Variants in SAPCD1 observed in about 807,000 individuals in gnomAD.
The protein encoded by SAPCD1 is suppressor APC domain-containing protein 1.
In SAPCD1, 16 loss-of-function variants were observed where a neutral mutation model predicts 20.7. The observed-to-expected ratio is 0.77, with a 90% confidence interval of 0.52 to 1.17. SAPCD1 has a LOEUF of 1.17. SAPCD1 is among the 50% of genes most tolerant of loss of function. The pLI, the probability that SAPCD1 is intolerant of heterozygous loss-of-function variation, is 0.00. For missense variants in SAPCD1, 173 were observed against 209.9 expected (o/e 0.82, Z 1.09); for synonymous variants, 77 against 84.8 (o/e 0.91, Z 0.50).
At position 31,764,524 on chromosome 6, in the gene SAPCD1, G is replaced by A. The variant is rs28399994; in HGVS notation, c.530G>A (p.Arg177His). 1,889 of 1,611,440 alleles carry A rather than the reference G, an allele frequency of 1.2e-3. 8 individuals are homozygous for A. The highest frequency in any genetic ancestry group is 5.3e-3 in the South Asian group (481 of 90,982). Residue 177 changes from arginine (R) to histidine (H), a missense_variant, in exon 5 of 5, where the codon CGT (arginine) becomes CAT (histidine). By Grantham distance (29) the Arg-to-His change is conservative. Transcript: ENST00000415669. This position sits in a 1 kb window ranked among gnomAD's most constrained non-coding sequence, Gnocchi z 4.7. ...ACCAAGGGGCCAAGAGGCCCTACCC[G>A]TGTCTAAACCCTCCTCTCACTCCCC... is the stretch of plus-strand genomic sequence containing the variant.
chr6:31,764,785 C>T lies in SAPCD1; in HGVS notation c.*254C>T. The T allele has an allele frequency of 2.0e-6, 1 of 492,854 alleles. No individual in the cohort carries two copies. 30.5% of individuals were successfully genotyped at this position (492,854 alleles called of 1,614,324 possible). ...CTGGGAAGAAGCATGTTTATTGAAACTGTCCTTCAGCCTTAAATACAAAAA... is the reference window on the plus strand; with the variant it reads ...CTGGGAAGAAGCATGTTTATTGAAATTGTCCTTCAGCCTTAAATACAAAAA... On this transcript the variant is annotated 3_prime_UTR_variant, in exon 5 of 5. Coordinates refer to ENST00000415669, the Ensembl canonical transcript of SAPCD1. This position sits in a 1 kb window ranked among gnomAD's most constrained non-coding sequence, Gnocchi z 4.7.
chr6:31,763,036 C>G lies in SAPCD1; in HGVS notation c.-19C>G, dbSNP rs1164107342. ...GGCTGCACCAGTGGGAGTGGCTCCA[C>G]CCTTCCCACCTCAGAGCCATGGGGA... On this transcript the variant is annotated 5_prime_UTR_variant, in exon 1 of 5. Transcript: ENST00000415669. This position sits in a 1 kb window ranked among gnomAD's most constrained non-coding sequence, Gnocchi z 4.9. 1.3e-6 allele frequency: 2 copies of G among 1,489,310 alleles called. No individual in the cohort carries two copies. The highest frequency in any genetic ancestry group is 2.4e-5 in the South Asian group (2 of 84,632). The allele number at this position is 1,489,310 out of a possible 1,614,324, so 92.3% of individuals were successfully genotyped here.
chr6:31,763,440 G>A lies in SAPCD1; in HGVS notation c.140G>A (p.Arg47Lys). The change falls in exon 2 of 5, where the codon AGA becomes AAA. Residue 47 changes from arginine (R) to lysine (K), a missense_variant. Physicochemically the swap from Arg to Lys is conservative, Grantham distance 26 (BLOSUM62 2). Transcript: ENST00000415669. This position sits in a 1 kb window ranked among gnomAD's most constrained non-coding sequence, Gnocchi z 4.9. ...CTACGCAGGATGCAGGCTCTGGAGA[G>A]AGAACAGGATGCCCTGTGGCAGGGT... 1.9e-6 allele frequency: 3 copies of A among 1,613,080 alleles called. No homozygotes were observed. Among genetic ancestry groups the A allele is most frequent in the Non-Finnish European group, 1.7e-6 (2 of 1,180,020 alleles).
rs1161780029 is a variant in SAPCD1, at chr6:31,763,384, G to A, written c.115-31G>A. 4 of 1,612,784 alleles carry A rather than the reference G, an allele frequency of 2.5e-6. No homozygotes were observed. The Admixed American group carries it at 6.7e-5, about 27-fold the overall frequency. ...ATAACCCAGAGCCCTACTGTGGCGT[G>A]AGAGTCAGCCTCTGTGATTGCCTTT... is the stretch of plus-strand genomic sequence containing the variant. On this transcript the variant is annotated intron_variant, in intron 1 of 4. Coordinates refer to ENST00000415669, the Ensembl canonical transcript of SAPCD1. This position sits in a 1 kb window ranked among gnomAD's most constrained non-coding sequence, Gnocchi z 4.9.
Position 31,763,492 on chromosome 6 carries a change from C to T in SAPCD1, c.192C>T (p.Ala64=). The change falls in exon 2 of 5, where the codon GCC becomes GCT. Residue 64 remains alanine (A), a synonymous_variant. Coordinates refer to ENST00000415669, the Ensembl canonical transcript of SAPCD1. The surrounding 1 kb of genome is among the most constrained non-coding windows in gnomAD (Gnocchi z 4.9). ...TGGAGCTGCTACAGCATGGCCAGGC[C>T]TGGTTTGAAGACCATCTGAGGGAGG... The T allele has an allele frequency of 6.2e-7, 1 of 1,612,982 alleles. No homozygotes were observed. The highest frequency in any genetic ancestry group is 8.5e-7 in the Non-Finnish European group (1 of 1,179,996).
rs765038358 is a variant in SAPCD1 at position 31,764,243 on chromosome 6, AAC to A, written c.352-19_352-18del. 4 of 1,611,902 alleles carry A rather than the reference AAC, an allele frequency of 2.5e-6. 1 individual carries two copies. The highest frequency in any genetic ancestry group is 3.3e-5 in the Admixed American group (2 of 60,004). ...TGGGGTCAGTGCTGGCTTAACAGAA[AAC>A]ACAGCGAATTTCCCCTCCAGTTCTC... On this transcript the variant is annotated intron_variant, in intron 3 of 4. Transcript: ENST00000415669. This position sits in a 1 kb window ranked among gnomAD's most constrained non-coding sequence, Gnocchi z 4.7.
At position 31,764,797 on chromosome 6, in the gene SAPCD1, C is replaced by A. The variant is rs1581578273; in HGVS notation, c.*266C>A. 1.1e-5 allele frequency: 5 copies of A among 465,812 alleles called. No homozygotes were observed. The East Asian group carries it at 1.6e-4, about 15-fold the overall frequency. 28.9% of individuals were successfully genotyped at this position (465,812 alleles called of 1,614,324 possible). A position where few individuals can be genotyped will look rare whatever the true frequency, so the allele number is the denominator to read the frequency against. On this transcript the variant is annotated 3_prime_UTR_variant, in exon 5 of 5. Coordinates refer to ENST00000415669, the Ensembl canonical transcript of SAPCD1. The surrounding 1 kb of genome is among the most constrained non-coding windows in gnomAD (Gnocchi z 4.7). The stretch of plus-strand genomic sequence containing the variant: ...ATGTTTATTGAAACTGTCCTTCAGC[C>A]TTAAATACAAAAATAAAACTGAAAC...
chr6:31,763,151 C>T lies in SAPCD1; in HGVS notation c.97C>T (p.Gln33Ter). ...GACAAGCCGCCAAGACCCAGGGGCC[C>T]AGAGCTTCTTCCTTTGGGTGAGTAT... The change falls in exon 1 of 5, where the codon CAG (glutamine) becomes TAG (stop). Residue 33 changes from glutamine (Q) to a stop codon, truncating the protein, a stop_gained. Coordinates refer to ENST00000415669, the Ensembl canonical transcript of SAPCD1. LOFTEE classifies it high-confidence loss of function. This position sits in a 1 kb window ranked among gnomAD's most constrained non-coding sequence, Gnocchi z 4.9. 11 of 1,566,116 alleles carry T rather than the reference C, an allele frequency of 7.0e-6. No homozygotes were observed. Among genetic ancestry groups the T allele is most frequent in the Non-Finnish European group, 9.5e-6 (11 of 1,160,268 alleles).
Position 31,763,584 on chromosome 6 carries a change from G to A in SAPCD1, c.255+29G>A, listed in dbSNP as rs28399990. 1.4e-4 allele frequency: 222 copies of A among 1,586,612 alleles called. No individual in the cohort carries two copies. In the East Asian group the frequency reaches 4.0e-3, roughly 28 times the overall value. On this transcript the variant is annotated intron_variant, in intron 2 of 4. Transcript: ENST00000415669. This position sits in a 1 kb window ranked among gnomAD's most constrained non-coding sequence, Gnocchi z 4.9. ...TGGGGGCTGCCCCTCTGTGTGAATG[G>A]GGGGAGGACCAGGGAGGGAGGAACA...
chr6:31,763,075 C>CG lies in SAPCD1; in HGVS notation c.25dup (p.Val9GlyfsTer59). The CG allele has an allele frequency of 6.3e-7, 1 of 1,575,362 alleles. No homozygotes were observed. The highest frequency in any genetic ancestry group is 8.6e-7 in the Non-Finnish European group (1 of 1,159,432). On this transcript the variant is annotated frameshift_variant, in exon 1 of 5. Transcript: ENST00000415669. LOFTEE classifies it high-confidence loss of function. This position sits in a 1 kb window ranked among gnomAD's most constrained non-coding sequence, Gnocchi z 4.9. ...GAGCCATGGGGAGCCAGGGCTCTGG[C>CG]GGGGTGCCCTTGGTGCAGGCTCCCT... is the stretch of plus-strand genomic sequence containing the variant.
chr6:31,763,991 T>C lies in SAPCD1; in HGVS notation c.256-73T>C. On this transcript the variant is annotated intron_variant, in intron 2 of 4. Transcript: ENST00000415669. This position sits in a 1 kb window ranked among gnomAD's most constrained non-coding sequence, Gnocchi z 4.9. ...GGGGATCCAGATGAGAGGGATGGCC[T>C]GTGGTGACAGGAATAGAGTGGCAGA... 1 of 1,005,800 alleles carries C rather than the reference T, an allele frequency of 9.9e-7. No homozygotes were observed. Among genetic ancestry groups the C allele is most frequent in the Non-Finnish European group, 1.6e-6 (1 of 628,168 alleles). The allele number at this position is 1,005,800 out of a possible 1,614,324, so 62.3% of individuals were successfully genotyped here.
Position 31,764,283 on chromosome 6 carries a change from G to A in SAPCD1, c.369G>A (p.Leu123=). The A allele has an allele frequency of 6.2e-7, 1 of 1,614,176 alleles. No homozygotes were observed. The highest frequency in any genetic ancestry group is 8.5e-7 in the Non-Finnish European group (1 of 1,180,012). ...CCCTCCAGTTCTCCCCAAGTCCACT[G>A]AACAAGGCTAGTTCCTGCACCACCC... is the stretch of plus-strand genomic sequence containing the variant. The change falls in exon 4 of 5, where the codon CTG becomes CTA. Residue 123 remains leucine (L), a synonymous_variant. Coordinates refer to ENST00000415669, the Ensembl canonical transcript of SAPCD1. This position sits in a 1 kb window ranked among gnomAD's most constrained non-coding sequence, Gnocchi z 4.7.
rs879668106 is a variant in SAPCD1 at position 31,764,569 on chromosome 6, A to G, written c.*38A>G. The G allele has an allele frequency of 2.1e-6, 3 of 1,451,976 alleles. No individual in the cohort carries two copies. Among genetic ancestry groups the G allele is most frequent in the Non-Finnish European group, 2.8e-6 (3 of 1,052,768 alleles). 89.9% of individuals were successfully genotyped at this position (1,451,976 alleles called of 1,614,324 possible). A position where few individuals can be genotyped will look rare whatever the true frequency, so the allele number is the denominator to read the frequency against. ...CTCCCCTAAGCCTGGTGAAAGAGTC[A>G]GAAGCCCCAGGCTCCTTTTTCTGTT... On this transcript the variant is annotated 3_prime_UTR_variant, in exon 5 of 5. Transcript: ENST00000415669. The surrounding 1 kb of genome is among the most constrained non-coding windows in gnomAD (Gnocchi z 4.7).
At chr6:31,762,845 G>A, upstream of SAPCD1, 1 of 547,792 alleles carries the variant, frequency 1.8e-6, no homozygotes, top group Non-Finnish European at 3.2e-6. Context: ...CCTTCAGAGA[G>A]GCCCTACAAA....
chr6:31,764,466 C>G lies in SAPCD1; in HGVS notation c.472C>G (p.Gln158Glu). The change falls in exon 5 of 5, where the codon CAG (glutamine) becomes GAG (glutamate). Residue 158 changes from glutamine (Q) to glutamate (E), a missense_variant. By Grantham distance (29) the Gln-to-Glu change is conservative. Transcript: ENST00000415669. The surrounding 1 kb of genome is among the most constrained non-coding windows in gnomAD (Gnocchi z 4.7). Reference sequence around the variant, plus strand: ...GTCAAGGCAGCAGAAAGGAGTCACCCAGCCAAAGGAGGAGATGGCTCAGCG... The same window carrying G: ...GTCAAGGCAGCAGAAAGGAGTCACCGAGCCAAAGGAGGAGATGGCTCAGCG... 4.3e-6 allele frequency: 7 copies of G among 1,614,150 alleles called. No homozygotes were observed. Among genetic ancestry groups the G allele is most frequent in the Non-Finnish European group, 5.9e-6 (7 of 1,180,022 alleles).
At chr6:31,762,984 C>G, upstream of SAPCD1, 1 of 789,864 alleles carries the variant, frequency 1.3e-6, no homozygotes, top group South Asian at 1.7e-5. Flanking sequence ...GGGTGCAAGG[C>G]AGGGGTGGAG....
chr6:31,764,637 A>G lies in SAPCD1; in HGVS notation c.*106A>G. 1 of 731,080 alleles carries G rather than the reference A, an allele frequency of 1.4e-6. No homozygotes were observed. Among genetic ancestry groups the G allele is most frequent in the Non-Finnish European group, 2.3e-6 (1 of 439,026 alleles). 45.3% of individuals were successfully genotyped at this position (731,080 alleles called of 1,614,324 possible). On this transcript the variant is annotated 3_prime_UTR_variant, in exon 5 of 5. Transcript: ENST00000415669. This position sits in a 1 kb window ranked among gnomAD's most constrained non-coding sequence, Gnocchi z 4.7. ...AAAAATGGCTCCAGGTAGTGAGTCA[A>G]TGAAGTTCAGACATGTTGGTGTAAA...
upstream of SAPCD1, chr6:31,762,866 G>T: frequency 1.8e-6 from 1 of 553,714 alleles, no homozygotes; most frequent in South Asian, 2.6e-5. Context: ...ACAGATTAGA[G>T]GGAAGACAGA....
Position 31,763,942 on chromosome 6 carries a change from C to T in SAPCD1, c.256-122C>T. ...GGTGGAGAGTACTGGATTTTCCCAC[C>T]TGCCTGGGAGGGTACTGGGACGAGG... On this transcript the variant is annotated intron_variant, in intron 2 of 4. Transcript: ENST00000415669. The surrounding 1 kb of genome is among the most constrained non-coding windows in gnomAD (Gnocchi z 4.9). 3 of 708,748 alleles carry T rather than the reference C, an allele frequency of 4.2e-6. No individual in the cohort carries two copies. The East Asian group carries it at 7.6e-5, about 18-fold the overall frequency. The allele number at this position is 708,748 out of a possible 1,614,324, so 43.9% of individuals were successfully genotyped here. A position where few individuals can be genotyped will look rare whatever the true frequency, so the allele number is the denominator to read the frequency against.
Sources: gnomAD v4.1 joint callset for allele counts on GRCh38, gnomAD v4.1.1 for gene constraint, Gnocchi (gnomAD v3.1) non-coding constraint, MANE v1.5 for transcripts, NCBI Gene and HGNC (gene_info 2026-07-23, HGNC 2026-07-21) for gene names.